TREH: variants seen among roughly 807,000 people sequenced by gnomAD.
TREH encodes the protein trehalase.
Under a neutral mutation model 80.5 loss-of-function variants are expected in TREH, and 69 were observed. The ratio of observed to expected loss-of-function variants is 0.86; its 90% CI spans 0.71 to 1.05. TREH has a LOEUF of 1.05. TREH is among the 50% of genes least tolerant of loss of function. The pLI is 0.00. For missense variants in TREH, 716 were observed against 718.8 expected, an observed-to-expected ratio of 1.00 and a Z score of 0.04; for synonymous variants, 309 against 293.5, an observed-to-expected ratio of 1.05 and a Z score of -0.54.
intron 1 of TREH, among the ~76,000 whole-genome samples, chr11:118,665,415 G>A (rs1481528752): frequency 2.0e-5 from 3 of 152,212 alleles, no homozygotes; most frequent in South Asian, 2.1e-4. Context: ...CGAGGAGGGC[G>A]GATCACAAGG....
chr11:118,668,499 G>A (rs1787722560), intron 1 of TREH, among the ~76,000 whole-genome samples: 1 of 135,144 alleles, frequency 7.4e-6, no homozygotes, highest in African/African-American at 2.7e-5. Flanking sequence ...GGCAGGCAGA[G>A]GTTGCAGAGC....
chr11:118,679,465 C>T, intron 1 of TREH, 74 bp downstream of exon 1: 2 of 1,398,248 alleles, frequency 1.4e-6, no homozygotes, highest in Non-Finnish European at 9.4e-7. Flanking sequence ...GAAGTACCGA[C>T]CCCAGAGCTT....
At chr11:118,673,995 T>C (rs1949453828) in intron 1 of TREH, among the ~76,000 whole-genome samples, 1 of 150,136 alleles carries the variant, frequency 6.7e-6, no homozygotes, top group Non-Finnish European at 1.5e-5. Context: ...AAGTCAGTCC[T>C]AGGGGAAAAG....
intron 1 of TREH, among the ~76,000 whole-genome samples, chr11:118,678,555 G>T (rs1250078164): frequency 2.0e-5 from 3 of 150,402 alleles, no homozygotes; most frequent in African/African-American, 7.4e-5. Flanking sequence ...TAGAGATGGG[G>T]TTTCACCATG....
At chr11:118,672,649 T>C (rs1949440183) in intron 1 of TREH, among the ~76,000 whole-genome samples, 1 of 142,652 alleles carries the variant, frequency 7.0e-6, no homozygotes, top group African/African-American at 2.6e-5. Flanking sequence ...AAATGGAGGT[T>C]GTAGTAAGCT....
chr11:118,667,657 C>T (rs1949390906), intron 1 of TREH, among the ~76,000 whole-genome samples: 1 of 152,126 alleles, frequency 6.6e-6, no homozygotes, highest in Non-Finnish European at 1.5e-5. Context: ...ACTCATCGAA[C>T]CCTACTATGG....
chr11:118,675,544 TAAG>T (rs1949469725), intron 1 of TREH, among the ~76,000 whole-genome samples: 1 of 152,138 alleles, frequency 6.6e-6, no homozygotes, highest in South Asian at 2.1e-4. Flanking sequence ...AGTTTTATTA[TAAG>T]AATACAAGCC....
intron 4 of TREH, 85 bp from the exon 5 acceptor site, chr11:118,662,075 G>T: frequency 9.1e-7 from 1 of 1,099,368 alleles, no homozygotes; most frequent in Non-Finnish European, 1.4e-6. Context: ...GAGGCCCCGG[G>T]AGTCACAGCT....
In TREH at chr11:118,661,549, CA is replaced by C. The variant is rs782471617; in HGVS notation, c.618-41del. 6.2e-7 allele frequency: 1 copy of C among 1,612,548 alleles called. No homozygotes were observed. The highest frequency in any genetic ancestry group is 1.1e-5 in the South Asian group (1 of 90,938). ...GCCTGCTGAGATGCCCTCTCCCCAG[CA>C]ACTGGCACCAAGGCAATCCAGCTGC... On this transcript the variant is annotated intron_variant, in intron 6 of 14. Transcript: ENST00000264029. This position sits in a 1 kb window ranked among gnomAD's most constrained non-coding sequence, Gnocchi z 4.2.
In TREH at chr11:118,658,455, G is replaced by A. The variant is rs1949247693; in HGVS notation, c.1600-14C>T. ...GCCAAATCCCTCCTGGGAGAGGCAG[G>A]GCAGTGGGGCCAGTTTCTGGGGAAG... On this transcript the variant is annotated splice_polypyrimidine_tract_variant and intron_variant, in intron 14 of 14. Transcript: ENST00000264029. 1.2e-6 allele frequency: 2 copies of A among 1,609,888 alleles called. No individual in the cohort carries two copies. The highest frequency in any genetic ancestry group is 8.5e-7 in the Non-Finnish European group (1 of 1,178,926).
At position 118,661,567 on chromosome 11, in the gene TREH, T is replaced by G. The variant is rs533756568; in HGVS notation, c.618-58A>C. On this transcript the variant is annotated intron_variant, in intron 6 of 14. Coordinates refer to ENST00000264029, the MANE Select transcript of TREH (RefSeq NM_007180.3). This position sits in a 1 kb window ranked among gnomAD's most constrained non-coding sequence, Gnocchi z 4.2. Reference sequence around the variant, plus strand: ...TCCCCAGCAACTGGCACCAAGGCAATCCAGCTGCATGCCCGTGGCACACCT... The same window carrying G: ...TCCCCAGCAACTGGCACCAAGGCAAGCCAGCTGCATGCCCGTGGCACACCT... 1 of 1,612,544 alleles carries G rather than the reference T, an allele frequency of 6.2e-7. No individual in the cohort carries two copies. Among genetic ancestry groups the G allele is most frequent in the African/African-American group, 1.3e-5 (1 of 75,028 alleles).
Position 118,661,474 on chromosome 11 carries a change from T to C in TREH, c.653A>G (p.Tyr218Cys). The stretch of plus-strand genomic sequence containing the variant: ...GAGTGGGGGCTGGCTCCGCTGCAGG[T>C]AGTACACGCGCCCACCATTGGGGAC... ...GHVPNGGRVY[Y>C]LQRSQPPLLT... The change falls in exon 7 of 15, where the codon TAC becomes TGC. Residue 218 changes from tyrosine (Y) to cysteine (C), a missense_variant. Physicochemically the swap from Tyr to Cys is radical, Grantham distance 194. Transcript: ENST00000264029. The surrounding 1 kb of genome is among the most constrained non-coding windows in gnomAD (Gnocchi z 4.2). 1 of 1,613,692 alleles carries C rather than the reference T, an allele frequency of 6.2e-7. No individual in the cohort carries two copies. The highest frequency in any genetic ancestry group is 8.5e-7 in the Non-Finnish European group (1 of 1,179,784).
intron 1 of TREH, among the ~76,000 whole-genome samples, chr11:118,678,410 C>T (rs1555147090): frequency 6.6e-6 from 1 of 152,156 alleles, no homozygotes; most frequent in Non-Finnish European, 1.5e-5. Flanking sequence ...GTTGCCCCGA[C>T]TGGAGTGCAA....
intron 4 of TREH, 136 bp downstream of exon 4, chr11:118,662,745 T>C: frequency 1.0e-6 from 1 of 956,924 alleles, no homozygotes; most frequent in Non-Finnish European, 1.6e-6. Context: ...GGCCTCTATT[T>C]GGGGACCCAG....
chr11:118,670,575 T>A (rs1366324600), intron 1 of TREH, among the ~76,000 whole-genome samples: 1 of 152,254 alleles, frequency 6.6e-6, no homozygotes, highest in African/African-American at 2.4e-5. Context: ...ATTAGAATTA[T>A]AATCTTGCCA....
In TREH at chr11:118,659,457, A is replaced by G. The variant is rs11827611; in HGVS notation, c.1345T>C (p.Tyr449His). 2,944 of 1,604,718 alleles carry G rather than the reference A, an allele frequency of 1.8e-3. 33 individuals are homozygous for G. The African/African-American group carries it at 0.035, about 19-fold the overall frequency. ...LEDNRILTYQ[Y>H]GIPTSLQKTG... Reference sequence around the variant, plus strand: ...TTCTGGAGAGAGGTCGGGATCCCATACTGGTAAGTCAGGATCCGGTTGTCC... The same window carrying G: ...TTCTGGAGAGAGGTCGGGATCCCATGCTGGTAAGTCAGGATCCGGTTGTCC... The change falls in exon 12 of 15, where the codon TAT becomes CAT. Residue 449 changes from tyrosine (Y) to histidine (H), a missense_variant. Physicochemically the swap from Tyr to His is moderately conservative, Grantham distance 83. Transcript: ENST00000264029.
Position 118,659,768 on chromosome 11 carries a change from G to C in TREH, c.1299C>G (p.Asp433Glu). 6 of 1,581,294 alleles carry C rather than the reference G, an allele frequency of 3.8e-6. No homozygotes were observed. Among genetic ancestry groups the C allele is most frequent in the Non-Finnish European group, 5.2e-6 (6 of 1,163,124 alleles). ...AGCFSDPGVA[D>E]KALKYLEDNR... Reference sequence around the variant, plus strand: ...TCACCTCCAGGTATTTCAGAGCCTTGTCCGCCACGCCAGGGTCAGAGAAAC... The same window carrying C: ...TCACCTCCAGGTATTTCAGAGCCTTCTCCGCCACGCCAGGGTCAGAGAAAC... Residue 433 changes from aspartate to glutamate, a missense_variant, in exon 11 of 15, where the codon GAC becomes GAG. Asp to Glu is a conservative substitution (Grantham distance 45). Coordinates refer to ENST00000264029, the MANE Select transcript of TREH (RefSeq NM_007180.3).
rs782225602 is a variant in TREH, at chr11:118,662,997, AAGGAGGCAGCTC to A, written c.336-41_336-30del. 23 of 1,611,104 alleles carry A rather than the reference AAGGAGGCAGCTC, an allele frequency of 1.4e-5. No individual in the cohort carries two copies. In the African/African-American group the frequency reaches 3.1e-4, roughly 22 times the overall value. On this transcript the variant is annotated intron_variant, in intron 3 of 14. Coordinates refer to ENST00000264029, the MANE Select transcript of TREH (RefSeq NM_007180.3). ...AAAGAACACAGGCCCCACAGGGTTC[AAGGAGGCAGCTC>A]AGTTGGAAGGAACCCTCTCTTGTTC...
chr11:118,665,032 C>G (rs1394802060), intron 1 of TREH, among the ~76,000 whole-genome samples: 1 of 151,088 alleles, frequency 6.6e-6, no homozygotes, highest in Non-Finnish European at 1.5e-5. Context: ...TCACTTGAAC[C>G]CAGGAGGTGG....
Sources: gnomAD v4.1 joint callset for allele counts (sites outside exome capture counted in the v4.1 genomes callset) on GRCh38, gnomAD v4.1.1 for gene constraint, Gnocchi (gnomAD v3.1) non-coding constraint, MANE v1.5 for transcripts, NCBI Gene and HGNC (gene_info 2026-07-23, HGNC 2026-07-21) for gene names.